The following DNAH7 variants were observed in gnomAD, a reference collection of about 807,000 sequenced individuals.
DNAH7 encodes the protein dynein axonemal heavy chain 7.
DNAH7 carries 397 observed loss-of-function variants against 444.6 expected under a neutral mutation model. The observed-to-expected ratio is 0.89, with a 90% CI of 0.82 to 0.97. The LOEUF (loss-of-function observed/expected upper bound fraction) is 0.97. Among genes scored for constraint, DNAH7 ranks in the 50% least tolerant of loss-of-function variants. The pLI, the probability that DNAH7 is intolerant of heterozygous loss-of-function variation, is 0.00. For missense variants in DNAH7, 4,902 were observed against 4,800.8 expected (o/e 1.02, Z -0.62); for synonymous variants, 1,636 against 1,624.4 (o/e 1.01, Z -0.17).
At chr2:195,943,673 T>G (rs556779994) in intron 19 of DNAH7, among the ~76,000 whole-genome samples, 16 of 152,344 alleles carry the variant, frequency 1.1e-4, no homozygotes, top group African/African-American at 3.8e-4. Context: ...ACTGCCATCA[T>G]GACTTCTTCA....
intron 61 of DNAH7, among the ~76,000 whole-genome samples, chr2:195,765,336 TACTCC>T (rs1166321908): frequency 6.6e-6 from 1 of 152,118 alleles, no homozygotes; most frequent in Non-Finnish European, 1.5e-5. Context: ...CCTTGAGTAA[TACTCC>T]ACAGGCACAG....
intron 48 of DNAH7, among the ~76,000 whole-genome samples, chr2:195,831,860 T>C (rs568600184): frequency 2.6e-5 from 4 of 152,274 alleles, no homozygotes; most frequent in South Asian, 4.1e-4. Flanking sequence ...CTAACCCTTA[T>C]TGGGACCAGT....
intron 58 of DNAH7, among the ~76,000 whole-genome samples, chr2:195,778,631 AATAAAT>A (rs1302119421): frequency 4.8e-5 from 1 of 20,668 alleles, no homozygotes; most frequent in Non-Finnish European, 1.0e-4. Context: ...AAAAAAAAAA[AATAAAT>A]AAATAAATAT....
chr2:195,970,256 T>C (rs1309320578), intron 16 of DNAH7, among the ~76,000 whole-genome samples, 162 bp from the exon 17 acceptor site: 1 of 152,184 alleles, frequency 6.6e-6, no homozygotes, highest in Non-Finnish European at 1.5e-5. Context: ...ATATGCAGAA[T>C]TGTAAAACTT....
chr2:195,959,061 AAATT>A (rs539118244), intron 18 of DNAH7, among the ~76,000 whole-genome samples: 2,349 of 151,846 alleles, frequency 0.015, 55 homozygotes, highest in African/African-American at 0.053. Context: ...ACTCCATCTC[AAATT>A]AATTAATTAA....
At chr2:195,925,190 A>G (rs1044696962) in intron 22 of DNAH7, among the ~76,000 whole-genome samples, 1 of 151,942 alleles carries the variant, frequency 6.6e-6, no homozygotes, top group South Asian at 2.1e-4. Flanking sequence ...CCTAAACACT[A>G]TTTCATTTCT....
At chr2:195,889,581 G>T (rs1343953375) in intron 31 of DNAH7, among the ~76,000 whole-genome samples, 2 of 152,092 alleles carry the variant, frequency 1.3e-5, no homozygotes, top group African/African-American at 4.8e-5. Context: ...CCCACAAAGT[G>T]CTGGGATTTA....
rs1337644892 is a variant in DNAH7, at chr2:195,936,593, A to G, written c.3272+6T>C. ...TAGTCATGTATTCTACATGTAAATTACTTACCTAGTGGGATCTTTAGTCTC... is the reference window on the plus strand; with the variant it reads ...TAGTCATGTATTCTACATGTAAATTGCTTACCTAGTGGGATCTTTAGTCTC... On this transcript the variant is annotated splice_donor_region_variant and intron_variant, in intron 20 of 64. Coordinates refer to ENST00000312428, the MANE Select transcript of DNAH7 (RefSeq NM_018897.3). 1.3e-6 allele frequency: 2 copies of G among 1,567,746 alleles called. No homozygotes were observed. Among genetic ancestry groups the G allele is most frequent in the South Asian group, 2.5e-5 (2 of 79,936 alleles).
intron 10 of DNAH7, among the ~76,000 whole-genome samples, chr2:196,009,404 G>A (rs562881233): frequency 2.5e-4 from 38 of 152,112 alleles, no homozygotes; most frequent in Non-Finnish European, 5.1e-4. Context: ...TGGAAGCAGA[G>A]CTAAAATTTC....
chr2:196,060,709 G>T (rs993567663), intron 1 of DNAH7, among the ~76,000 whole-genome samples: 2 of 152,130 alleles, frequency 1.3e-5, no homozygotes, highest in African/African-American at 2.4e-5. Flanking sequence ...ATGTTCTCCA[G>T]TGAGGTATTT....
intron 49 of DNAH7, among the ~76,000 whole-genome samples, chr2:195,821,189 G>A (rs776447230): frequency 3.3e-5 from 5 of 151,648 alleles, no homozygotes; most frequent in Admixed American, 2.0e-4. Context: ...AAGAAGAAGA[G>A]TCAAAAATGT....
intron 48 of DNAH7, among the ~76,000 whole-genome samples, chr2:195,825,325 T>C (rs1574500450): frequency 6.6e-6 from 1 of 151,914 alleles, no homozygotes; most frequent in Non-Finnish European, 1.5e-5. Flanking sequence ...GTTGAATAAA[T>C]TGTTATCTCT....
intron 24 of DNAH7, among the ~76,000 whole-genome samples, chr2:195,916,353 TCTCACTCTGTCACC>T (rs1050760863): frequency 2.9e-4 from 44 of 152,238 alleles, no homozygotes; most frequent in African/African-American, 9.6e-4. Flanking sequence ...TGAGACAAGG[TCTCACTCTGTCACC>T]CTGGCTGGAG....
chr2:195,781,782 T>TA (rs35678699), intron 58 of DNAH7, among the ~76,000 whole-genome samples: 11 of 151,330 alleles, frequency 7.3e-5, no homozygotes, highest in African/African-American at 1.7e-4. Flanking sequence ...CATATGTAGG[T>TA]AAAAAAAAGT....
At chr2:195,979,436 A>G (rs1692414923) in intron 15 of DNAH7, among the ~76,000 whole-genome samples, 1 of 152,162 alleles carries the variant, frequency 6.6e-6, no homozygotes, top group Non-Finnish European at 1.5e-5. Flanking sequence ...GTGATAATGG[A>G]AACATAACAT....
At chr2:195,778,190 G>A (rs1019675643) in intron 58 of DNAH7, among the ~76,000 whole-genome samples, 1 of 152,074 alleles carries the variant, frequency 6.6e-6, no homozygotes, top group African/African-American at 2.4e-5. Context: ...TCCAGTCAAT[G>A]CTGAGAATGG....
intron 12 of DNAH7, among the ~76,000 whole-genome samples, chr2:196,000,317 C>T (rs758462749): frequency 2.6e-5 from 4 of 151,824 alleles, no homozygotes; most frequent in Middle Eastern, 3.4e-3. Flanking sequence ...CTCACTATTA[C>T]GGAAAAAGGT....
Position 195,960,274 on chromosome 2 carries a change from A to T in DNAH7, c.2877T>A (p.Tyr959Ter). The part of the protein sequence containing the change: ...TMRGSPFIKP[Y>*]EKQMREWEGK... ...TATCACTTTACCTCATTTGTTTTTC[A>T]TAAGGCTTAATGAAAGGAGATCCTC... The change falls in exon 18 of 65, where the codon TAT becomes TAA. Residue 959 changes from tyrosine to a stop codon, truncating the protein, a stop_gained. Transcript: ENST00000312428. LOFTEE classifies it high-confidence loss of function. The T allele has an allele frequency of 6.2e-7, 1 of 1,606,896 alleles. No homozygotes were observed. Among genetic ancestry groups the T allele is most frequent in the South Asian group, 1.1e-5 (1 of 89,972 alleles).
chr2:195,915,927 T>C (rs1400091773), intron 24 of DNAH7, among the ~76,000 whole-genome samples: 1 of 152,232 alleles, frequency 6.6e-6, no homozygotes. Context: ...TATAAACTAA[T>C]AGTTTATTTT....
Sources: gnomAD v4.1 joint callset for allele counts (sites outside exome capture counted in the v4.1 genomes callset) on GRCh38, gnomAD v4.1.1 for gene constraint, MANE v1.5 for transcripts, NCBI Gene and HGNC (gene_info 2026-07-23, HGNC 2026-07-21) for gene names.